Variants in PPP6R2 observed in about 807,000 individuals in gnomAD.
PPP6R2 encodes the protein protein phosphatase 6 regulatory subunit 2, also known as serine/threonine-protein phosphatase 6 regulatory subunit 2.
PPP6R2 carries 62 observed loss-of-function variants against 100.2 expected under a neutral mutation model. That is an observed-to-expected ratio of 0.62 (90% CI 0.50 to 0.76). The LOEUF is 0.76. Among genes scored for constraint, PPP6R2 ranks in the 30% least tolerant of loss-of-function variants. PPP6R2 has a pLI of 0.00. For synonymous variants in PPP6R2, 525 were observed against 514.7 expected (o/e 1.02, Z -0.27); for missense variants, 1,142 against 1,276.3 (o/e 0.89, Z 1.60).
intron 13 of PPP6R2, 137 bp downstream of exon 13, chr22:50,435,218 C>A: frequency 1.6e-6 from 1 of 618,862 alleles, no homozygotes; most frequent in Non-Finnish European, 2.7e-6. Flanking sequence ...CACCTCTGTC[C>A]TCTCACTTCA....
intron 2 of PPP6R2, among the ~76,000 whole-genome samples, chr22:50,386,913 A>G (rs2054365675): frequency 6.6e-6 from 1 of 152,106 alleles, no homozygotes; most frequent in East Asian, 1.9e-4. Context: ...GGACAAGTAG[A>G]ATGTCCCCCA....
At chr22:50,400,590 T>A (rs2057861337) in intron 3 of PPP6R2, among the ~76,000 whole-genome samples, 1 of 152,164 alleles carries the variant, frequency 6.6e-6, no homozygotes, top group African/African-American at 2.4e-5. Context: ...TTCCCAGTAA[T>A]GTGGAATTAT....
chr22:50,438,133 C>T (rs763332194), intron 17 of PPP6R2, 41 bp from the exon 18 acceptor site: 8 of 1,590,668 alleles, frequency 5.0e-6, no homozygotes, highest in Non-Finnish European at 6.8e-6. Flanking sequence ...CCTGTCTCCC[C>T]CAGACCCTCT....
chr22:50,440,576 G>A (rs544533988), intron 21 of PPP6R2, among the ~76,000 whole-genome samples: 130 of 152,330 alleles, frequency 8.5e-4, no homozygotes, highest in Non-Finnish European at 1.4e-3. Flanking sequence ...GAGCCTCTGC[G>A]TCCTCCTGTG....
At chr22:50,441,067 G>C in intron 22 of PPP6R2, 41 bp downstream of exon 22, 1 of 1,458,294 alleles carries the variant, frequency 6.9e-7, no homozygotes, top group Non-Finnish European at 9.2e-7. Flanking sequence ...CGGGTGCATA[G>C]GGCGTGGCTT....
intron 17 of PPP6R2, 51 bp downstream of exon 17, chr22:50,437,951 C>T: frequency 6.4e-7 from 1 of 1,563,940 alleles, no homozygotes; most frequent in Non-Finnish European, 8.7e-7. Flanking sequence ...CCAGGCAGCT[C>T]AGGCCATGCC....
At chr22:50,437,757 C>T (rs534713654) in intron 16 of PPP6R2, 86 bp from the exon 17 acceptor site, 6 of 1,481,806 alleles carry the variant, frequency 4.0e-6, no homozygotes, top group South Asian at 2.4e-5. Context: ...CTGAGGCCCC[C>T]GATGAGCACC....
intron 22 of PPP6R2, 56 bp from the exon 23 acceptor site, chr22:50,443,810 C>T (rs1004439150): frequency 7.5e-5 from 114 of 1,513,602 alleles, no homozygotes; most frequent in Middle Eastern, 4.7e-4. Context: ...GGGCATGAGG[C>T]GGGGTGGCAC....
chr22:50,365,797 C>G (rs2048660932), intron 1 of PPP6R2, among the ~76,000 whole-genome samples: 1 of 151,686 alleles, frequency 6.6e-6, no homozygotes. Flanking sequence ...TGGTGCAATC[C>G]TGGCTCACTG....
At chr22:50,424,723 C>T (rs891873112) in intron 10 of PPP6R2, among the ~76,000 whole-genome samples, 1 of 143,296 alleles carries the variant, frequency 7.0e-6, no homozygotes, top group African/African-American at 2.5e-5. Flanking sequence ...CTGCAATCTC[C>T]GACTCCCTGG....
chr22:50,337,219 G>A, the PPP6R2 span, among the ~76,000 whole-genome samples: 3 of 119,924 alleles, frequency 2.5e-5, no homozygotes, highest in African/African-American at 1.0e-4. Flanking sequence ...GTGTGTGTGG[G>A]GTATGTGTGT....
intron 1 of PPP6R2, among the ~76,000 whole-genome samples, chr22:50,356,321 T>G (rs1205020952): frequency 3.3e-5 from 5 of 150,514 alleles, no homozygotes; most frequent in Non-Finnish European, 7.4e-5. Flanking sequence ...TTTTTTTTTT[T>G]TGAGAGGGTG....
In PPP6R2 at chr22:50,444,193, C is replaced by A. The variant is rs1213085708; in HGVS notation, c.2832-6C>A. 2.5e-6 allele frequency: 4 copies of A among 1,612,830 alleles called. No individual in the cohort carries two copies. Among genetic ancestry groups the A allele is most frequent in the Non-Finnish European group, 3.4e-6 (4 of 1,179,688 alleles). On this transcript the variant is annotated splice_polypyrimidine_tract_variant and splice_region_variant and intron_variant, in intron 23 of 23. Coordinates refer to ENST00000612753, the MANE Select transcript of PPP6R2 (RefSeq NM_001242898.2). ...GCACGGTTCCAACCCCACCCCATTC[C>A]TGCAGGAAGACAGATGCCCCGCCAG...
chr22:50,406,722 T>C lies in PPP6R2; in HGVS notation c.261T>C (p.Cys87=), dbSNP rs201294162. The change falls in exon 4 of 24, where the codon TGT becomes TGC. Residue 87 remains cysteine (C), a synonymous_variant. Transcript: ENST00000612753. ...ACACAGCCTGTGAGCTTCTGACTTG[T>C]GATGTGCCGCAGATCAGCGACCGCC... ...YPNTACELLT[C]DVPQISDRLG... The C allele has an allele frequency of 2.1e-4, 338 of 1,613,766 alleles. 2 individuals are homozygous for C. The highest frequency in any genetic ancestry group is 1.5e-4 in the Admixed American group (9 of 59,992).
chr22:50,357,626 AT>A (rs35526525), intron 1 of PPP6R2, among the ~76,000 whole-genome samples: 130 of 145,076 alleles, frequency 9.0e-4, no homozygotes, highest in East Asian at 3.2e-3. Flanking sequence ...TCCCTGGCTA[AT>A]TTTTTTTTTT....
intron 22 of PPP6R2, 139 bp downstream of exon 22, chr22:50,441,165 T>TGAC: frequency 2.5e-6 from 2 of 805,638 alleles, no homozygotes; most frequent in Non-Finnish European, 3.8e-6. Flanking sequence ...CATGGCCCCG[T>TGAC]GACCCTTCAG....
At position 50,443,846 on chromosome 22, in the gene PPP6R2, A is replaced by G; in HGVS notation, c.2580-20A>G. ...TGAGGGTGGGGGTGCCCGTAACCGG[A>G]GTCCATGTTTGCCACACAGGGTCGG... On this transcript the variant is annotated intron_variant, in intron 22 of 23. Coordinates refer to ENST00000612753, the MANE Select transcript of PPP6R2 (RefSeq NM_001242898.2). 1 of 1,559,046 alleles carries G rather than the reference A, an allele frequency of 6.4e-7. No homozygotes were observed. The highest frequency in any genetic ancestry group is 8.7e-7 in the Non-Finnish European group (1 of 1,147,342).
intron 1 of PPP6R2, among the ~76,000 whole-genome samples, chr22:50,350,474 G>A (rs1054626044): frequency 6.6e-6 from 1 of 151,802 alleles, no homozygotes; most frequent in Non-Finnish European, 1.5e-5. Flanking sequence ...CAGGTGATCT[G>A]CCTGCCTTGG....
chr22:50,388,645 G>A (rs1447917912), intron 2 of PPP6R2, among the ~76,000 whole-genome samples: 3 of 151,992 alleles, frequency 2.0e-5, no homozygotes, highest in African/African-American at 7.2e-5. Flanking sequence ...AGGCCGAGGC[G>A]GGCAGATCAC....
Sources: gnomAD v4.1 joint callset for allele counts (sites outside exome capture counted in the v4.1 genomes callset) on GRCh38, gnomAD v4.1.1 for gene constraint, MANE v1.5 for transcripts, NCBI Gene and HGNC (gene_info 2026-07-23, HGNC 2026-07-21) for gene names.